The following SLIT1 variants were observed in gnomAD, a reference collection of about 807,000 sequenced individuals.
SLIT1 encodes slit guidance ligand 1.
SLIT1 carries 66 observed loss-of-function variants against 186.1 expected under a neutral mutation model. The observed-to-expected ratio is 0.35, with a 90% confidence interval of 0.29 to 0.44. The LOEUF (loss-of-function observed/expected upper bound fraction) is 0.44. Ranked by LOEUF, SLIT1 falls within the 20% of genes least tolerant of loss-of-function variation. SLIT1 has a pLI of 1.00. For synonymous variants in SLIT1, 761 were observed against 833.8 expected, an observed-to-expected ratio of 0.91 and a Z score of 1.50; for missense variants, 1,638 against 2,037.4, an observed-to-expected ratio of 0.80 and a Z score of 3.77.
Position 96,999,412 on chromosome 10 carries a change from G to T in SLIT1, c.*1700C>A, listed in dbSNP as rs985231244. ...GTTCTAGCCTTCTAATCAGCATCAA[G>T]GGCTCCCCTCACTGCCCTGGGCAGG... On this transcript the variant is annotated 3_prime_UTR_variant, in exon 37 of 37. Coordinates refer to ENST00000266058, the MANE Select transcript of SLIT1 (RefSeq NM_003061.3). 20 of 152,360 alleles carry T rather than the reference G, an allele frequency of 1.3e-4. No homozygotes were observed. Among genetic ancestry groups the T allele is most frequent in the African/African-American group, 4.1e-4 (17 of 41,436 alleles). 9.4% of individuals were successfully genotyped at this position (152,360 alleles called of 1,614,324 possible).
chr10:97,114,904 T>C (rs2636784), intron 4 of SLIT1, among the ~76,000 whole-genome samples: 70,612 of 152,110 alleles, frequency 0.46, 19,011 homozygotes, highest in South Asian at 0.6. Flanking sequence ...CATAAAGTTG[T>C]TGAGAGGATT....
In SLIT1 at chr10:97,002,841, G is replaced by A. The variant is rs777541136; in HGVS notation, c.4017C>T (p.Cys1339=). The change falls in exon 35 of 37, where the codon TGC becomes TGT. Residue 1339 remains cysteine (C), a synonymous_variant. Coordinates refer to ENST00000266058, the MANE Select transcript of SLIT1 (RefSeq NM_003061.3). ...TQMKPGVVPG[C]EPCRKLYCLH... ...GGCAGTAGAGCTTGCGGCAGGGTTCGCAGCCTGGCACCACGCCTGGCTTCA... is the reference window on the plus strand; with the variant it reads ...GGCAGTAGAGCTTGCGGCAGGGTTCACAGCCTGGCACCACGCCTGGCTTCA... 38 of 1,614,170 alleles carry A rather than the reference G, an allele frequency of 2.4e-5. No individual in the cohort carries two copies. Among genetic ancestry groups the A allele is most frequent in the East Asian group, 1.1e-4 (5 of 44,878 alleles).
chr10:97,021,080 A>T lies in SLIT1; in HGVS notation c.2746+170T>A, dbSNP rs1299828525. Among the ~76,000 whole-genome samples, 1 of 152,144 alleles carries T rather than the reference A, an allele frequency of 6.6e-6. No homozygotes were observed. Among genetic ancestry groups the T allele is most frequent in the African/African-American group, 2.4e-5 (1 of 41,410 alleles). ...TTTTTCTGCCTGGCTCTTTTTGTCC[A>T]TGATATGTCAGGATTGGAAGGCAGC... On this transcript the variant is annotated intron_variant, in intron 26 of 36. Transcript: ENST00000266058. The surrounding 1 kb of genome is among the most constrained non-coding windows in gnomAD (Gnocchi z 4.5).
At position 97,042,914 on chromosome 10, in the gene SLIT1, G is replaced by C. The variant is rs1396465446; in HGVS notation, c.2151C>G (p.Phe717Leu). Residue 717 changes from phenylalanine to leucine, a missense_variant, in exon 20 of 37, where the codon TTC becomes TTG. Coordinates refer to ENST00000266058, the MANE Select transcript of SLIT1 (RefSeq NM_003061.3). ...GCCACGAGTTACCTTCCTCACACCT[G>C]AAGTCAGGGAAGGCCACGTCCTGCA... is the stretch of plus-strand genomic sequence containing the variant. ...IPLQDVAFPD[F>L]RCEEGQEEGG... 1 of 1,614,112 alleles carries C rather than the reference G, an allele frequency of 6.2e-7. No homozygotes were observed. The highest frequency in any genetic ancestry group is 1.7e-5 in the Admixed American group (1 of 60,016).
chr10:97,064,669 C>G (rs1468288800), intron 6 of SLIT1, 136 bp downstream of exon 6: 5 of 659,744 alleles, frequency 7.6e-6, no homozygotes, highest in South Asian at 1.9e-5. Flanking sequence ...CCTGTCCTCC[C>G]CTCCTCCGAG....
At chr10:97,037,825 TGGG>T in intron 21 of SLIT1, 59 bp from the exon 22 acceptor site, 1 of 1,438,294 alleles carries the variant, frequency 7.0e-7, no homozygotes, top group Non-Finnish European at 9.7e-7. Flanking sequence ...TGCCCCATGC[TGGG>T]GACAGCCTTC....
chr10:97,132,337 A>G (rs1271001184), intron 4 of SLIT1, among the ~76,000 whole-genome samples: 1 of 151,930 alleles, frequency 6.6e-6, no homozygotes, highest in Non-Finnish European at 1.5e-5. Context: ...TCCCCTCCCC[A>G]CCAGGTGACA....
chr10:97,144,259 T>C (rs1330564458), intron 4 of SLIT1, among the ~76,000 whole-genome samples: 1 of 151,896 alleles, frequency 6.6e-6, no homozygotes, highest in African/African-American at 2.4e-5. Context: ...ATGAAAAAGG[T>C]AAGGCACTGT....
intron 26 of SLIT1, among the ~76,000 whole-genome samples, chr10:97,020,784 C>A (rs1412054923): frequency 1.3e-5 from 2 of 152,252 alleles, no homozygotes; most frequent in Non-Finnish European, 2.9e-5. Context: ...TTTACAAATG[C>A]CCACAGTGGA....
At chr10:97,077,350 G>A (rs1484663159) in intron 4 of SLIT1, among the ~76,000 whole-genome samples, 1 of 152,046 alleles carries the variant, frequency 6.6e-6, no homozygotes, top group African/African-American at 2.4e-5. Context: ...GGTCCTTTGA[G>A]TGGCAAGTTC....
At position 97,002,887 on chromosome 10, in the gene SLIT1, T is replaced by C. The variant is rs747414499; in HGVS notation, c.3971A>G (p.Gln1324Arg). 6.2e-7 allele frequency: 1 copy of C among 1,614,204 alleles called. No individual in the cohort carries two copies. The highest frequency in any genetic ancestry group is 1.3e-5 in the African/African-American group (1 of 75,070). ...CTTCATCTGCGTCTTGGTGAAGTCC[T>C]GCAGCTCGTTGTTGATGTACAGGTT... ...IRNLYINNELQDFTKTQMKPG... is the reference protein window; with the variant it reads ...IRNLYINNELRDFTKTQMKPG... The change falls in exon 35 of 37, where the codon CAG becomes CGG. Residue 1324 changes from glutamine (Q) to arginine (R), a missense_variant. This residue lies in a region of SLIT1 where 173 missense variants were observed against 290.9 expected (regional missense o/e 0.59). Transcript: ENST00000266058.
At chr10:97,036,490 A>G (rs1311413762) in intron 22 of SLIT1, among the ~76,000 whole-genome samples, 1 of 152,224 alleles carries the variant, frequency 6.6e-6, no homozygotes, top group African/African-American at 2.4e-5. Flanking sequence ...ACTAAATTTC[A>G]CCAACCCACA....
intron 1 of SLIT1, among the ~76,000 whole-genome samples, chr10:97,166,542 G>A: frequency 1.9e-5 from 1 of 51,774 alleles, no homozygotes. Flanking sequence ...AAGGAAGGAA[G>A]GAAGGAAGGA....
chr10:97,130,170 G>A (rs1849640019), intron 4 of SLIT1, among the ~76,000 whole-genome samples: 2 of 152,200 alleles, frequency 1.3e-5, no homozygotes, highest in Admixed American at 1.3e-4. Flanking sequence ...CAGATACAGG[G>A]ATTTACTGGT....
At chr10:97,168,368 T>C (rs1850146695) in intron 1 of SLIT1, among the ~76,000 whole-genome samples, 1 of 152,222 alleles carries the variant, frequency 6.6e-6, no homozygotes, top group Non-Finnish European at 1.5e-5. Context: ...ATAACTCTTA[T>C]TAATGTTCTG....
rs372452763 is a variant in SLIT1, at chr10:97,060,211, G to A, written c.942-53C>T. 8.8e-5 allele frequency: 126 copies of A among 1,434,388 alleles called. No homozygotes were observed. The African/African-American group carries it at 1.2e-3, about 13-fold the overall frequency. The allele number at this position is 1,434,388 out of a possible 1,614,324, so 88.9% of individuals were successfully genotyped here. A position where few individuals can be genotyped will look rare whatever the true frequency, so the allele number is the denominator to read the frequency against. The stretch of plus-strand genomic sequence containing the variant: ...CAAGGGCCCAGGTCAGCCCAGCCCT[G>A]GGTGTTATCTGCTGGGCTCACCTGC... On this transcript the variant is annotated intron_variant, in intron 9 of 36. Transcript: ENST00000266058.
At chr10:97,025,503 C>G (rs1441102598) in intron 25 of SLIT1, among the ~76,000 whole-genome samples, 2 of 152,160 alleles carry the variant, frequency 1.3e-5, no homozygotes, top group African/African-American at 4.8e-5. Context: ...CTTGCCCTCT[C>G]TTCGGTAGTA....
At chr10:97,015,458 A>G (rs1462678723) in intron 28 of SLIT1, among the ~76,000 whole-genome samples, 1 of 152,256 alleles carries the variant, frequency 6.6e-6, no homozygotes, top group Non-Finnish European at 1.5e-5. Context: ...GGGCTTTCAA[A>G]GAATTAAGTG....
intron 28 of SLIT1, among the ~76,000 whole-genome samples, chr10:97,017,505 C>T (rs1451422523): frequency 1.3e-5 from 2 of 152,340 alleles, no homozygotes; most frequent in African/African-American, 4.8e-5. Flanking sequence ...AGGGCGCTTG[C>T]GTTGTGATGT....
Sources: allele counts gnomAD v4.1 joint callset (sites outside exome capture counted in the v4.1 genomes callset), GRCh38; gene constraint gnomAD v4.1.1; regional missense constraint gnomAD v4.1.1; non-coding constraint Gnocchi (gnomAD v3.1); transcripts MANE v1.5; gene names NCBI Gene and HGNC (gene_info 2026-07-23, HGNC 2026-07-21).